The following CCDC93 variants were observed in gnomAD, a reference collection of about 807,000 sequenced individuals.
CCDC93 encodes the protein coiled-coil domain-containing protein 93.
CCDC93 carries 61 observed loss-of-function variants against 108.2 expected under a neutral mutation model. That is an observed-to-expected ratio of 0.56 (90% CI 0.46 to 0.70). The LOEUF is 0.70. CCDC93 is among the 30% of genes least tolerant of loss of function. CCDC93 has a pLI of 0.00. For missense variants in CCDC93, 685 were observed against 764.2 expected (o/e 0.90, Z 1.22); for synonymous variants, 276 against 260.4 (o/e 1.06, Z -0.58).
intron 4 of CCDC93, chr2:117,997,331 T>C (rs1344756436): frequency 1.3e-5 from 2 of 152,200 alleles, no homozygotes; most frequent in Non-Finnish European, 2.9e-5. Flanking sequence ...TTGCTTCTCC[T>C]CCCCGGCTCT....
chr2:117,989,107 A>G (rs1680402584), intron 6 of CCDC93, among the ~76,000 whole-genome samples: 1 of 152,242 alleles, frequency 6.6e-6, no homozygotes, highest in African/African-American at 2.4e-5. Context: ...TGTTTTATAC[A>G]TAGCCTAAAT....
intron 11 of CCDC93, among the ~76,000 whole-genome samples, chr2:117,965,776 C>T (rs1679546488): frequency 6.6e-6 from 1 of 152,100 alleles, no homozygotes; most frequent in Admixed American, 6.6e-5. Context: ...ACACCTGACA[C>T]TGCCTGGATG....
chr2:117,957,133 G>A (rs989741603), intron 12 of CCDC93, among the ~76,000 whole-genome samples: 1 of 152,030 alleles, frequency 6.6e-6, no homozygotes, highest in Non-Finnish European at 1.5e-5. Context: ...CAAGTGATCT[G>A]CCCCTCCTCA....
intron 12 of CCDC93, among the ~76,000 whole-genome samples, chr2:117,955,328 T>C (rs1679183645): frequency 6.6e-6 from 1 of 152,018 alleles, no homozygotes; most frequent in Non-Finnish European, 1.5e-5. Context: ...AGGATGCATC[T>C]CAGATGCCTT....
chr2:117,994,892 C>T (rs978965671), intron 6 of CCDC93, among the ~76,000 whole-genome samples: 1 of 152,198 alleles, frequency 6.6e-6, no homozygotes, highest in African/African-American at 2.4e-5. Context: ...GTGGAGGGTA[C>T]AGCTAACAAG....
At chr2:117,939,171 C>A in intron 19 of CCDC93, 60 bp from the exon 20 acceptor site, 1 of 1,004,176 alleles carries the variant, frequency 1.0e-6, no homozygotes, top group South Asian at 1.4e-5. Context: ...CCCTACCTGC[C>A]CCTCTCCTCC....
intron 7 of CCDC93, among the ~76,000 whole-genome samples, chr2:117,980,830 G>A: frequency 6.6e-6 from 1 of 152,130 alleles, no homozygotes. Flanking sequence ...AAGAAACTCT[G>A]TTACTATTAG....
In CCDC93 at chr2:118,006,708, A is replaced by G. The variant is rs1279820943; in HGVS notation, c.251+14T>C. Reference sequence around the variant, plus strand: ...CCTTCTCCCCACCTTTAGGTTTTCCATAGAAAAACTTACATTTTTTGACCT... The same window carrying G: ...CCTTCTCCCCACCTTTAGGTTTTCCGTAGAAAAACTTACATTTTTTGACCT... On this transcript the variant is annotated intron_variant, in intron 3 of 23. Transcript: ENST00000376300. The G allele has an allele frequency of 1.3e-6, 2 of 1,531,150 alleles. No individual in the cohort carries two copies. Among genetic ancestry groups the G allele is most frequent in the Non-Finnish European group, 9.1e-7 (1 of 1,104,512 alleles). 94.8% of individuals were successfully genotyped at this position (1,531,150 alleles called of 1,614,324 possible). A position where few individuals can be genotyped will look rare whatever the true frequency, so the allele number is the denominator to read the frequency against.
At chr2:117,925,772 T>C (rs555337546) in intron 23 of CCDC93, among the ~76,000 whole-genome samples, 5 of 152,296 alleles carry the variant, frequency 3.3e-5, no homozygotes, top group East Asian at 1.9e-4. Context: ...GCAGACCTAA[T>C]AGACATCTAC....
intron 13 of CCDC93, chr2:117,950,566 T>C (rs557508212): frequency 3.6e-4 from 358 of 985,190 alleles, no homozygotes; most frequent in Non-Finnish European, 4.2e-4. Context: ...TCAGTGCCAC[T>C]AGGTTATCCT....
chr2:117,954,836 G>A (rs902015363), intron 12 of CCDC93, among the ~76,000 whole-genome samples: 7 of 152,148 alleles, frequency 4.6e-5, no homozygotes, highest in Non-Finnish European at 1.5e-5. Context: ...TGGTGTTCTC[G>A]TGATAGTGAG....
intron 6 of CCDC93, among the ~76,000 whole-genome samples, chr2:117,986,537 G>A (rs1462482479): frequency 6.6e-6 from 1 of 151,896 alleles, no homozygotes; most frequent in Admixed American, 6.6e-5. Flanking sequence ...CTACTACCCG[G>A]GTTTACTGCA....
chr2:117,957,219 G>A (rs994521673), intron 12 of CCDC93, among the ~76,000 whole-genome samples: 5 of 152,072 alleles, frequency 3.3e-5, no homozygotes, highest in Non-Finnish European at 5.9e-5. Flanking sequence ...CTTCTTCTAC[G>A]TGTATTCTTC....
intron 19 of CCDC93, among the ~76,000 whole-genome samples, chr2:117,940,899 AGTGGTGTGG>A (rs1678680427): frequency 6.6e-6 from 1 of 152,174 alleles, no homozygotes; most frequent in African/African-American, 2.4e-5. Flanking sequence ...GAAGTTGGAA[AGTGGTGTGG>A]GAGCTCAGGG....
chr2:117,942,075 C>T (rs1259999068), intron 18 of CCDC93, among the ~76,000 whole-genome samples: 10 of 152,238 alleles, frequency 6.6e-5, no homozygotes, highest in Admixed American at 5.9e-4. Flanking sequence ...GGGAAACCCA[C>T]ATTCAGCTCT....
intron 13 of CCDC93, chr2:117,951,101 C>T: frequency 1.0e-6 from 1 of 970,274 alleles, no homozygotes; most frequent in African/African-American, 1.8e-5. Flanking sequence ...TATCCTAAGG[C>T]ATATAAATGT....
intron 7 of CCDC93, among the ~76,000 whole-genome samples, chr2:117,984,095 G>A (rs1680242321): frequency 6.6e-6 from 1 of 151,892 alleles, no homozygotes; most frequent in African/African-American, 2.4e-5. Flanking sequence ...GTCTCAAAGA[G>A]GAGAATGAGC....
At chr2:117,974,204 G>A (rs975360706) in intron 10 of CCDC93, among the ~76,000 whole-genome samples, 36 of 152,134 alleles carry the variant, frequency 2.4e-4, no homozygotes, top group African/African-American at 8.0e-4. Flanking sequence ...GTCACTGAGC[G>A]GATGGTGCTA....
At position 117,983,633 on chromosome 2, in the gene CCDC93, TATATATATATATA is replaced by T. The variant is rs1680221271; in HGVS notation, c.620+2323_620+2335del. On this transcript the variant is annotated intron_variant, in intron 7 of 23. Transcript: ENST00000376300. The stretch of plus-strand genomic sequence containing the variant: ...ACATTGAACAAACTGCTCAAAATTA[TATATATATATATA>T]TATATATATATATATATATATATAT... 4.0e-3 allele frequency among the ~76,000 whole-genome samples: 464 copies of T among 115,678 alleles called. 5 individuals are homozygous for T. The highest frequency in any genetic ancestry group is 0.012 in the South Asian group (46 of 3,982). The allele number at this position is 115,678 out of a possible 152,430, so 75.9% of individuals were successfully genotyped here. A position where few individuals can be genotyped will look rare whatever the true frequency, so the allele number is the denominator to read the frequency against.
Sources: gnomAD v4.1 joint callset for allele counts (sites outside exome capture counted in the v4.1 genomes callset) on GRCh38, gnomAD v4.1.1 for gene constraint, MANE v1.5 for transcripts, NCBI Gene and HGNC (gene_info 2026-07-23, HGNC 2026-07-21) for gene names.